The following KIF7 variants were observed in gnomAD, a reference collection of about 807,000 sequenced individuals.
KIF7 encodes kinesin-like protein KIF7.
In KIF7, 104 loss-of-function variants were observed where a neutral mutation model predicts 135.7. That is an observed-to-expected ratio of 0.77 (90% CI 0.65 to 0.90). The LOEUF is 0.90. Among genes scored for constraint, KIF7 ranks in the 40% least tolerant of loss-of-function variants. The pLI, the probability that KIF7 is intolerant of heterozygous loss-of-function variation, is 0.00. For synonymous variants in KIF7, 883 were observed against 809.4 expected (o/e 1.09, Z -1.54); for missense variants, 2,005 against 1,839.1 (o/e 1.09, Z -1.65).
intron 10 of KIF7, among the ~76,000 whole-genome samples, chr15:89,644,602 T>C (rs1963977926): frequency 6.6e-6 from 1 of 151,964 alleles, no homozygotes; most frequent in South Asian, 2.1e-4. Flanking sequence ...GGAGAATCGC[T>C]TGAACCCGGG....
downstream of KIF7, chr15:89,625,186 T>C (rs1378659333): frequency 1.2e-6 from 2 of 1,613,558 alleles, no homozygotes; most frequent in African/African-American, 2.7e-5. Context: ...GTCACCCCCC[T>C]GCCCCCGCCT....
In KIF7 at chr15:89,630,353, G is replaced by A. The variant is rs77896636; in HGVS notation, c.3252C>T (p.Leu1084=). The change falls in exon 16 of 19, where the codon CTC becomes CTT. Residue 1084 remains leucine (L), a synonymous_variant. Coordinates refer to ENST00000394412, the MANE Select transcript of KIF7 (RefSeq NM_198525.3). ...ASLLSQCEMN[L]MAKLSYLSSS... is the part of the protein sequence containing the mutation. ...ATGAGAGGTAGCTGAGCTTGGCCAT[G>A]AGGTTCATCTCGCACTGGGACAGCA... 396 of 1,614,202 alleles carry A rather than the reference G, an allele frequency of 2.5e-4. 1 individual carries two copies. In the East Asian group the frequency reaches 8.4e-3, roughly 34 times the overall value.
At chr15:89,619,635 G>A (rs867130144) in intron 1 of KIF7, 91 of 1,523,952 alleles carry the variant, frequency 6.0e-5, no homozygotes, top group African/African-American at 4.2e-4. Flanking sequence ...AATTTTGCCC[G>A]GTTTTGGACA....
downstream of KIF7, chr15:89,624,322 C>T (rs200081503): frequency 6.2e-7 from 1 of 1,614,202 alleles, no homozygotes; most frequent in Admixed American, 1.7e-5. Flanking sequence ...CCCAGGAGAA[C>T]TGGATCAGAA....
chr15:89,652,798 C>T lies in KIF7; in HGVS notation c.133G>A (p.Gly45Ser). The change falls in exon 2 of 19, where the codon GGC becomes AGC. Residue 45 changes from glycine (G) to serine (S), a missense_variant. By Grantham distance (56) the Gly-to-Ser change is moderately conservative. Transcript: ENST00000394412. ...QSCLQVEPGL[G>S]RVTLGRDRHF... is the part of the protein sequence containing the mutation. ...CGGTCACGGCCCAGAGTGACGCGGC[C>T]AAGCCCTGGCTCCACCTGCAGGCAG... 6 of 1,551,260 alleles carry T rather than the reference C, an allele frequency of 3.9e-6. No individual in the cohort carries two copies. Among genetic ancestry groups the T allele is most frequent in the Non-Finnish European group, 5.2e-6 (6 of 1,146,928 alleles).
downstream of KIF7, chr15:89,626,024 G>C (rs1472475394): frequency 1.2e-6 from 2 of 1,613,610 alleles, no homozygotes; most frequent in Non-Finnish European, 1.7e-6. Flanking sequence ...TGCTGTTCCA[G>C]GGGAAAACAC....
intron 2 of KIF7, among the ~76,000 whole-genome samples, chr15:89,651,230 G>C (rs1437816686): frequency 6.6e-6 from 1 of 152,186 alleles, no homozygotes; most frequent in African/African-American, 2.4e-5. Flanking sequence ...CTCCCAAGTA[G>C]CTGGGACTAC....
chr15:89,628,669 G>T lies in KIF7; in HGVS notation c.3782C>A (p.Thr1261Asn), dbSNP rs147195322. Residue 1261 changes from threonine (T) to asparagine (N), a missense_variant, in exon 19 of 19, where the codon ACC becomes AAC. Thr to Asn is a moderately conservative substitution (Grantham distance 65). Transcript: ENST00000394412. ...LSPLTEGAPR[T>N]REETRDLVHA... ...GACCAAGTCCCGCGTCTCCTCCCGG[G>T]TGCGGGGGGCCCCCTCAGTGAGGGG... 4.3e-5 allele frequency: 70 copies of T among 1,613,006 alleles called. No individual in the cohort carries two copies. The African/African-American group carries it at 8.7e-4, about 20-fold the overall frequency.
chr15:89,627,088 C>CACAA (rs779726741), downstream of KIF7: 15 of 1,613,828 alleles, frequency 9.3e-6, no homozygotes, highest in Non-Finnish European at 1.3e-5. Context: ...GACTTATAGC[C>CACAA]ACAAACATTA....
rs1334100370 is a variant in KIF7 at position 89,648,461 on chromosome 15, G to C, written c.1237C>G (p.Arg413Gly). The stretch of plus-strand genomic sequence containing the variant: ...CTGTAGGCGGCGTCGGTGCAGGCCC[G>C]GTAGCGCGCGCACTCGGCGCCCAGG... The part of the protein sequence containing the change: ...MRLGAECARY[R>G]ACTDAAYSLL... The change falls in exon 5 of 19, where the codon CGG (arginine) becomes GGG (glycine). Residue 413 changes from arginine to glycine, a missense_variant. Transcript: ENST00000394412. The C allele has an allele frequency of 1.9e-6, 2 of 1,068,162 alleles. No homozygotes were observed. Among genetic ancestry groups the C allele is most frequent in the Non-Finnish European group, 2.3e-6 (2 of 882,950 alleles). 66.2% of individuals were successfully genotyped at this position (1,068,162 alleles called of 1,614,324 possible).
chr15:89,649,867 C>T lies in KIF7; in HGVS notation c.403G>A (p.Asp135Asn). The T allele has an allele frequency of 1.9e-6, 3 of 1,551,798 alleles. No homozygotes were observed. The highest frequency in any genetic ancestry group is 2.6e-6 in the Non-Finnish European group (3 of 1,147,006). ...AEAFKLIDEN[D>N]LLDCLVHVSY... ...ACATGTACCAGACAGTCAAGCAGGT[C>T]GTTCTCATCGATGAGCTTGAAGGCC... The change falls in exon 3 of 19, where the codon GAC becomes AAC. Residue 135 changes from aspartate (D) to asparagine (N), a missense_variant. Transcript: ENST00000394412.
rs1428071713 is a variant in KIF7, at chr15:89,633,177, G to C, written c.2682C>G (p.Gly894=). ...CCAGGCTGACCACAGAGCCGTTGCT[G>C]CCACTGCGCCTCTTCCTCTGGAATG... ...IAAFQRKRRS[G]SNGSVVSLEQ... The change falls in exon 13 of 19, where the codon GGC becomes GGG. Residue 894 remains glycine (G), a synonymous_variant. Transcript: ENST00000394412. The C allele has an allele frequency of 6.2e-7, 1 of 1,604,888 alleles. No individual in the cohort carries two copies. Among genetic ancestry groups the C allele is most frequent in the African/African-American group, 1.3e-5 (1 of 74,888 alleles).
Position 89,649,366 on chromosome 15 carries a change from C to A in KIF7, c.531G>T (p.Val177=). 1 of 1,451,982 alleles carries A rather than the reference C, an allele frequency of 6.9e-7. No homozygotes were observed. The highest frequency in any genetic ancestry group is 9.1e-7 in the Non-Finnish European group (1 of 1,099,892). The allele number at this position is 1,451,982 out of a possible 1,614,324, so 89.9% of individuals were successfully genotyped here. ...CGTCGACCTCCTTCACCCCGCACAG[C>A]ACTGCGGGCACAGAAGGCCGTGAGC... is the stretch of plus-strand genomic sequence containing the variant. ...QLREDERGNV[V]LCGVKEVDVE... Residue 177 remains valine, a splice_region_variant and synonymous_variant, in exon 4 of 19, where the codon GTG becomes GTT. Transcript: ENST00000394412.
At chr15:89,618,344 C>T (rs1322291801) in intron 1 of KIF7, 1 of 779,426 alleles carries the variant, frequency 1.3e-6, no homozygotes, top group African/African-American at 1.7e-5. Context: ...CAATGCAGCT[C>T]AGTAAATATT....
rs1963574855 is a variant in KIF7, at chr15:89,628,222, A to G, written c.*197T>C. The G allele has an allele frequency of 1.8e-6, 1 of 571,268 alleles. No individual in the cohort carries two copies. The highest frequency in any genetic ancestry group is 3.4e-5 in the South Asian group (1 of 29,330). 35.4% of individuals were successfully genotyped at this position (571,268 alleles called of 1,614,324 possible). A position where few individuals can be genotyped will look rare whatever the true frequency, so the allele number is the denominator to read the frequency against. ...AGCTTCATGGAAGTAAGTGGTGGGA[A>G]TTTGCATATTATTTTGTTAAATGAG... On this transcript the variant is annotated 3_prime_UTR_variant, in exon 19 of 19. Transcript: ENST00000394412.
chr15:89,624,900 T>C (rs752536220), downstream of KIF7: 1 of 1,614,098 alleles, frequency 6.2e-7, no homozygotes, highest in Admixed American at 1.7e-5. Flanking sequence ...GTACCACAGA[T>C]GGGAGACAGT....
At position 89,648,583 on chromosome 15, in the gene KIF7, G is replaced by A. The variant is rs1331968966; in HGVS notation, c.1115C>T (p.Ala372Val). The change falls in exon 5 of 19, where the codon GCG (alanine) becomes GTG (valine). Residue 372 changes from alanine to valine, a missense_variant. Transcript: ENST00000394412. ...GGAGCGGTGCCGTGGCGGACCCCGCGCGCCGCTCGCCGTCTCTTCGGGTGG... is the reference window on the plus strand; with the variant it reads ...GGAGCGGTGCCGTGGCGGACCCCGCACGCCGCTCGCCGTCTCTTCGGGTGG... ...ERPPEETASG[A>V]RGPPRHRSET... The A allele has an allele frequency of 5.9e-6, 9 of 1,515,266 alleles. No individual in the cohort carries two copies. The highest frequency in any genetic ancestry group is 7.9e-6 in the Non-Finnish European group (9 of 1,134,626). The allele number at this position is 1,515,266 out of a possible 1,614,324, so 93.9% of individuals were successfully genotyped here.
At chr15:89,648,152 T>C (rs1162587500) in intron 5 of KIF7, 103 bp downstream of exon 5, 2 of 1,345,512 alleles carry the variant, frequency 1.5e-6, no homozygotes, top group Non-Finnish European at 1.9e-6. Flanking sequence ...GCCCTGCTAA[T>C]GGGCAGGAGG....
chr15:89,637,431 A>G (rs1963832474), intron 11 of KIF7, among the ~76,000 whole-genome samples: 1 of 152,172 alleles, frequency 6.6e-6, no homozygotes, highest in Non-Finnish European at 1.5e-5. Flanking sequence ...ATAGACCACT[A>G]GCAAGAAAAA....
Sources: gnomAD v4.1 joint callset for allele counts (sites outside exome capture counted in the v4.1 genomes callset) on GRCh38, gnomAD v4.1.1 for gene constraint, MANE v1.5 for transcripts, NCBI Gene and HGNC (gene_info 2026-07-23, HGNC 2026-07-21) for gene names.